AHCYL1: variants seen among roughly 807,000 people sequenced by gnomAD.
The protein encoded by AHCYL1 is S-adenosylhomocysteine hydrolase-like protein 1.
In AHCYL1, 20 loss-of-function variants were observed where a neutral mutation model predicts 79.3. The observed-to-expected ratio is 0.25, with a 90% confidence interval of 0.18 to 0.37. AHCYL1 has a LOEUF of 0.37. Among genes scored for constraint, AHCYL1 ranks in the 10% least tolerant of loss-of-function variants. The pLI is 1.00. For synonymous variants in AHCYL1, 223 were observed against 242.2 expected, an observed-to-expected ratio of 0.92 and a Z score of 0.74; for missense variants, 330 against 673.6, an observed-to-expected ratio of 0.49 and a Z score of 5.65.
At chr1:110,004,650 G>C (rs930051743) in intron 1 of AHCYL1, among the ~76,000 whole-genome samples, 1 of 152,118 alleles carries the variant, frequency 6.6e-6, no homozygotes, top group African/African-American at 2.4e-5. Context: ...GGGCATGGTG[G>C]TGTGGGCCTA....
chr1:109,986,718 C>T (rs1649487751), intron 1 of AHCYL1, among the ~76,000 whole-genome samples: 1 of 152,134 alleles, frequency 6.6e-6, no homozygotes, highest in South Asian at 2.1e-4. Flanking sequence ...TTGAAAGTAC[C>T]ACTGTTGATA....
intron 1 of AHCYL1, among the ~76,000 whole-genome samples, chr1:109,993,222 A>G (rs1649859592): frequency 6.6e-6 from 1 of 152,220 alleles, no homozygotes; most frequent in South Asian, 2.1e-4. Flanking sequence ...TGTTTGAAAT[A>G]GTAGCTCACA....
chr1:110,004,189 GAC>G, intron 1 of AHCYL1: 2 of 985,602 alleles, frequency 2.0e-6, no homozygotes, highest in Non-Finnish European at 2.4e-6. Context: ...TTACTGTTGA[GAC>G]ACAGAGGCGG....
intron 1 of AHCYL1, among the ~76,000 whole-genome samples, chr1:109,987,651 A>C (rs1294502293): frequency 6.6e-6 from 1 of 152,188 alleles, no homozygotes; most frequent in Non-Finnish European, 1.5e-5. Context: ...GCTTTGTTTG[A>C]GATAGAGTGG....
chr1:110,013,907 TC>T (rs1017306184), intron 5 of AHCYL1, among the ~76,000 whole-genome samples: 2 of 150,852 alleles, frequency 1.3e-5, no homozygotes, highest in Non-Finnish European at 3.0e-5. Context: ...TTCAAGTGAT[TC>T]TCATGCCTCA....
rs907580711 is a variant in AHCYL1 at position 110,021,994 on chromosome 1, G to A, written c.*314G>A. Reference sequence around the variant, plus strand: ...TCTTAATTAGGTACCTTATTAACAGGAAATGCTAAGGTACCTTCTCTGTGG... The same window carrying A: ...TCTTAATTAGGTACCTTATTAACAGAAAATGCTAAGGTACCTTCTCTGTGG... On this transcript the variant is annotated 3_prime_UTR_variant, in exon 17 of 17. Transcript: ENST00000369799. The A allele has an allele frequency of 3.7e-5, 11 of 299,124 alleles. No homozygotes were observed. Among genetic ancestry groups the A allele is most frequent in the African/African-American group, 2.4e-4 (11 of 45,390 alleles). The allele number at this position is 299,124 out of a possible 1,614,324, so 18.5% of individuals were successfully genotyped here. A position where few individuals can be genotyped will look rare whatever the true frequency, so the allele number is the denominator to read the frequency against.
intron 2 of AHCYL1, among the ~76,000 whole-genome samples, chr1:110,009,501 C>T (rs921018104): frequency 6.6e-6 from 1 of 152,156 alleles, no homozygotes; most frequent in African/African-American, 2.4e-5. Flanking sequence ...TTTTGAAGCA[C>T]GATTTCTTTG....
intron 15 of AHCYL1, among the ~76,000 whole-genome samples, 156 bp downstream of exon 15, chr1:110,019,782 C>T (rs1184217207): frequency 6.6e-6 from 1 of 152,214 alleles, no homozygotes; most frequent in Non-Finnish European, 1.5e-5. Flanking sequence ...CTATGATCCT[C>T]AGTTTCTTGA....
intron 10 of AHCYL1, 77 bp downstream of exon 10, chr1:110,017,660 A>C (rs1378856273): frequency 2.0e-6 from 3 of 1,485,612 alleles, no homozygotes; most frequent in East Asian, 4.5e-5. Context: ...TGAGTATATT[A>C]ATCATTTTTG....
intron 1 of AHCYL1, chr1:109,985,544 G>A (rs560809510): frequency 1.6e-4 from 163 of 995,880 alleles, no homozygotes; most frequent in Non-Finnish European, 1.9e-4. Context: ...CTCCCTTCAG[G>A]TGAGTGGGTA....
intron 10 of AHCYL1, 29 bp from the exon 11 acceptor site, chr1:110,017,917 A>T: frequency 6.2e-7 from 1 of 1,610,718 alleles, no homozygotes. Flanking sequence ...TTCTTGCTTT[A>T]CTCATAGTGT....
chr1:110,002,433 A>T (rs1324221667), intron 1 of AHCYL1, among the ~76,000 whole-genome samples: 1 of 152,250 alleles, frequency 6.6e-6, no homozygotes, highest in Non-Finnish European at 1.5e-5. Context: ...TTGAGACAAT[A>T]TGAGTATTCA....
At position 110,012,299 on chromosome 1, in the gene AHCYL1, C is replaced by G. The variant is rs951209552; in HGVS notation, c.377-63C>G. 3 of 1,477,904 alleles carry G rather than the reference C, an allele frequency of 2.0e-6. No homozygotes were observed. The African/African-American group carries it at 4.2e-5, about 21-fold the overall frequency. The allele number at this position is 1,477,904 out of a possible 1,614,324, so 91.5% of individuals were successfully genotyped here. ...ATATCTCAACAGATCCAGACCAGCC[C>G]TGGGGCAGGAACTGATGATACTGCT... On this transcript the variant is annotated intron_variant, in intron 3 of 16. Transcript: ENST00000369799.
At chr1:110,021,561 G>T in intron 16 of AHCYL1, 113 bp from the exon 17 acceptor site, 2 of 978,540 alleles carry the variant, frequency 2.0e-6, no homozygotes, top group Admixed American at 2.0e-5. Context: ...TGACTGCAGG[G>T]ATCCCACCCA....
chr1:109,984,994 C>T lies in AHCYL1; in HGVS notation c.-59C>T, dbSNP rs1182019035. On this transcript the variant is annotated 5_prime_UTR_variant, in exon 1 of 17. Transcript: ENST00000369799. ...GGCGCCGCGCGGGCAGGCGGGCGGG[C>T]GCCAGAGGGGGAAAGAGGCGGGGGC... 3.5e-6 allele frequency: 5 copies of T among 1,413,952 alleles called. No homozygotes were observed. In the African/African-American group the frequency reaches 4.5e-5, roughly 13 times the overall value. 87.6% of individuals were successfully genotyped at this position (1,413,952 alleles called of 1,614,324 possible). A position where few individuals can be genotyped will look rare whatever the true frequency, so the allele number is the denominator to read the frequency against.
Position 110,019,645 on chromosome 1 carries a change from A to C in AHCYL1, c.1465+19A>C, listed in dbSNP as rs911147125. 2 of 1,600,762 alleles carry C rather than the reference A, an allele frequency of 1.2e-6. No individual in the cohort carries two copies. Among genetic ancestry groups the C allele is most frequent in the African/African-American group, 2.7e-5 (2 of 74,424 alleles). On this transcript the variant is annotated intron_variant, in intron 15 of 16. Transcript: ENST00000369799. ...AAAATGGGTGAGTGAAAAACAGTGGAAATCTATGCAGACAGCTGCATAGTT... is the reference window on the plus strand; with the variant it reads ...AAAATGGGTGAGTGAAAAACAGTGGCAATCTATGCAGACAGCTGCATAGTT...
chr1:109,989,449 G>A (rs1649643022), intron 1 of AHCYL1, among the ~76,000 whole-genome samples: 1 of 152,108 alleles, frequency 6.6e-6, no homozygotes, highest in African/African-American at 2.4e-5. Flanking sequence ...GAACTCCTGG[G>A]CTCAAGCGAT....
rs1651868149 is a variant in AHCYL1 at position 110,022,529 on chromosome 1, T to A, written c.*849T>A. On this transcript the variant is annotated 3_prime_UTR_variant, in exon 17 of 17. Transcript: ENST00000369799. ...AATGCTAGTCTCAAGCCCTGTTAAG[T>A]CCCTCTGTTTCTAGCCCGTAGTTCA... 6.6e-6 allele frequency: 1 copy of A among 152,618 alleles called. No individual in the cohort carries two copies. Among genetic ancestry groups the A allele is most frequent in the Non-Finnish European group, 1.5e-5 (1 of 68,048 alleles). The allele number at this position is 152,618 out of a possible 1,614,324, so 9.5% of individuals were successfully genotyped here. A position where few individuals can be genotyped will look rare whatever the true frequency, so the allele number is the denominator to read the frequency against.
At chr1:110,018,979 G>T in intron 13 of AHCYL1, 72 bp from the exon 14 acceptor site, 1 of 1,448,346 alleles carries the variant, frequency 6.9e-7, no homozygotes. Flanking sequence ...GTCCTCTCCC[G>T]CTTTGGCTTG....
Sources: allele counts gnomAD v4.1 joint callset (sites outside exome capture counted in the v4.1 genomes callset), GRCh38; gene constraint gnomAD v4.1.1; transcripts MANE v1.5; gene names NCBI Gene and HGNC (gene_info 2026-07-23, HGNC 2026-07-21).